The following ZNF385D variants were observed in gnomAD, a reference collection of about 807,000 sequenced individuals.
The protein encoded by ZNF385D is zinc finger protein 659.
A neutral mutation model predicts 35.8 loss-of-function variants in ZNF385D; 15 were observed. The observed-to-expected ratio is 0.42, with a 90% CI of 0.28 to 0.64. The LOEUF is 0.64. Ranked by LOEUF, ZNF385D falls within the 30% of genes least tolerant of loss-of-function variation. The pLI is 0.23. For missense variants in ZNF385D, 474 were observed against 494.6 expected (o/e 0.96, Z 0.39); for synonymous variants, 212 against 186.8 (o/e 1.13, Z -1.10).
At position 22,258,491 on chromosome 3, in the gene ZNF385D, C is replaced by T. The variant is rs940276938; in HGVS notation, c.107-89456G>A. Among the ~76,000 whole-genome samples the T allele has an allele frequency of 4.6e-5, 7 of 151,538 alleles. No individual in the cohort carries two copies. The Admixed American group carries it at 4.6e-4, about 10-fold the overall frequency. ...CATGAAAATTGCTTGGGTTTTAGAA[C>T]CAAATCATCATTCTTTTTTAAAGAA... On this transcript the variant is annotated intron_variant, in intron 2 of 5. Transcript: ENST00000494108.
At chr3:21,717,832 A>G (rs934566583) in intron 1 of ZNF385D, among the ~76,000 whole-genome samples, 1 of 152,204 alleles carries the variant, frequency 6.6e-6, no homozygotes, top group East Asian at 1.9e-4. Flanking sequence ...CTGTGAGTCC[A>G]TTAAACTTCT....
chr3:21,909,883 C>T (rs771018584), intron 3 of ZNF385D, among the ~76,000 whole-genome samples: 34 of 151,924 alleles, frequency 2.2e-4, no homozygotes, highest in Admixed American at 3.3e-4. Context: ...ATAAGCCTAG[C>T]TTTATGAATA....
At chr3:22,149,047 T>A (rs1263914748) in intron 3 of ZNF385D, among the ~76,000 whole-genome samples, 2 of 152,068 alleles carry the variant, frequency 1.3e-5, no homozygotes, top group Admixed American at 6.6e-5. Flanking sequence ...TGGATGCTAA[T>A]CAAACTGTGA....
intron 3 of ZNF385D, among the ~76,000 whole-genome samples, chr3:22,094,377 T>TTATCAACAATATA (rs1701488444): frequency 7.8e-6 from 1 of 128,008 alleles, no homozygotes; most frequent in Non-Finnish European, 1.6e-5. Context: ...CTTCTGTCAT[T>TTATCAACAATATA]TATTGTTGAT....
intron 3 of ZNF385D, among the ~76,000 whole-genome samples, chr3:21,916,340 T>A (rs1700192309): frequency 6.6e-6 from 1 of 152,180 alleles, no homozygotes; most frequent in Non-Finnish European, 1.5e-5. Flanking sequence ...AATTTTGTTC[T>A]TCAAACTAAC....
intron 3 of ZNF385D, among the ~76,000 whole-genome samples, chr3:22,069,387 A>C (rs1272568861): frequency 6.6e-6 from 1 of 152,204 alleles, no homozygotes; most frequent in Admixed American, 6.5e-5. Flanking sequence ...TTGGGTAGGC[A>C]CTACAACTAG....
At chr3:21,956,598 T>C (rs1252471005) in intron 3 of ZNF385D, among the ~76,000 whole-genome samples, 1 of 152,036 alleles carries the variant, frequency 6.6e-6, no homozygotes, top group Non-Finnish European at 1.5e-5. Flanking sequence ...TAAAACAATC[T>C]ATATGTCAGA....
chr3:21,521,851 G>A (rs186483525), intron 3 of ZNF385D, among the ~76,000 whole-genome samples: 11 of 152,230 alleles, frequency 7.2e-5, no homozygotes, highest in Non-Finnish European at 1.5e-4. Flanking sequence ...TTTTGCAGAG[G>A]GGTTAATCTT....
intron 4 of ZNF385D, among the ~76,000 whole-genome samples, chr3:21,444,393 T>G (rs986069476): frequency 5.6e-5 from 4 of 71,696 alleles, no homozygotes; most frequent in Admixed American, 4.4e-4. Flanking sequence ...TTTTGTTTTT[T>G]TTTTTTTTTG....
At position 22,255,706 on chromosome 3, in the gene ZNF385D, G is replaced by A. The variant is rs79816361; in HGVS notation, c.107-86671C>T. On this transcript the variant is annotated intron_variant, in intron 2 of 5. Transcript: ENST00000494108. ...TTATCCATTTCATATGTACTTTTGT[G>A]AGAAGTGGTAAAGTTTTATTTGCAT... is the stretch of plus-strand genomic sequence containing the variant. Among the ~76,000 whole-genome samples, 1,113 of 150,468 alleles carry A rather than the reference G, an allele frequency of 7.4e-3. 16 individuals carry two copies. Among genetic ancestry groups the A allele is most frequent in the African/African-American group, 0.025 (1,038 of 41,128 alleles).
chr3:21,925,425 T>A (rs1336674927), intron 3 of ZNF385D, among the ~76,000 whole-genome samples: 3 of 152,294 alleles, frequency 2.0e-5, no homozygotes, highest in East Asian at 1.9e-4. Context: ...CACAAAAACA[T>A]GTTTAGCTTC....
At position 21,486,348 on chromosome 3, in the gene ZNF385D, G is replaced by A. The variant is rs529935970; in HGVS notation, c.439+24513C>T. On this transcript the variant is annotated intron_variant, in intron 4 of 7. Transcript: ENST00000281523. ...GGAGCCAAGTCTCATAAACCCAAGT[G>A]CTGGCCTTTCAAACACACACATTTC... is the stretch of plus-strand genomic sequence containing the variant. Among the ~76,000 whole-genome samples the A allele has an allele frequency of 8.3e-3, 1,241 of 149,802 alleles. 11 individuals are homozygous for A. Among genetic ancestry groups the A allele is most frequent in the South Asian group, 0.018 (87 of 4,706 alleles).
chr3:21,496,487 T>C lies in ZNF385D; in HGVS notation c.439+14374A>G, dbSNP rs201604229. On this transcript the variant is annotated intron_variant, in intron 4 of 7. Transcript: ENST00000281523. ...TATCATATATATACATATATACACA[T>C]ATATTTGATATATATATCATATATA... Among the ~76,000 whole-genome samples the C allele has an allele frequency of 1.2e-3, 162 of 130,640 alleles. 1 individual carries two copies. Among genetic ancestry groups the C allele is most frequent in the African/African-American group, 3.9e-3 (140 of 35,532 alleles). 85.7% of individuals were successfully genotyped at this position (130,640 alleles called of 152,430 possible). A position where few individuals can be genotyped will look rare whatever the true frequency, so the allele number is the denominator to read the frequency against.
chr3:21,752,527 G>A (rs2070151080), upstream of ZNF385D, among the ~76,000 whole-genome samples: 1 of 152,168 alleles, frequency 6.6e-6, no homozygotes, highest in Non-Finnish European at 1.5e-5. Context: ...ACGGCTTTCT[G>A]TGCAATCTTG....
intron 2 of ZNF385D, among the ~76,000 whole-genome samples, chr3:22,366,296 A>G (rs1696653628): frequency 6.6e-6 from 1 of 152,116 alleles, no homozygotes; most frequent in South Asian, 2.1e-4. Flanking sequence ...GGGTAATGCT[A>G]TTATTTATAC....
At chr3:22,094,114 T>A (rs1701473669) in intron 3 of ZNF385D, among the ~76,000 whole-genome samples, 1 of 152,070 alleles carries the variant, frequency 6.6e-6, no homozygotes, top group African/African-American at 2.4e-5. Flanking sequence ...TATTTCATGT[T>A]TAAAAATACG....
intron 2 of ZNF385D, among the ~76,000 whole-genome samples, chr3:21,639,568 A>G (rs912150007): frequency 6.6e-6 from 1 of 152,118 alleles, no homozygotes; most frequent in Non-Finnish European, 1.5e-5. Flanking sequence ...AATTTTACTG[A>G]TCTATCATAA....
chr3:21,508,595 G>T (rs1706961976), intron 4 of ZNF385D, among the ~76,000 whole-genome samples: 1 of 152,102 alleles, frequency 6.6e-6, no homozygotes, highest in African/African-American at 2.4e-5. Context: ...AAGACCCCAT[G>T]AGTATTAAAT....
intron 2 of ZNF385D, among the ~76,000 whole-genome samples, chr3:22,362,170 C>T (rs541868925): frequency 1.9e-4 from 29 of 151,452 alleles, no homozygotes; most frequent in Non-Finnish European, 4.1e-4. Flanking sequence ...TTTTTCCTGG[C>T]TTTTTTTGTA....
Sources: allele counts gnomAD v4.1 joint callset (sites outside exome capture counted in the v4.1 genomes callset), GRCh38; gene constraint gnomAD v4.1.1; transcripts MANE v1.5; gene names NCBI Gene and HGNC (gene_info 2026-07-23, HGNC 2026-07-21).